The following ITPR2 variants were observed in gnomAD, a reference collection of about 807,000 sequenced individuals.
The protein encoded by ITPR2 is inositol 1,4,5-trisphosphate-gated calcium channel ITPR2.
A neutral mutation model predicts 317.1 loss-of-function variants in ITPR2; 207 were observed. The ratio of observed to expected loss-of-function variants is 0.65; its 90% CI spans 0.58 to 0.73. The LOEUF (loss-of-function observed/expected upper bound fraction) is 0.73. Ranked by LOEUF, ITPR2 falls within the 30% of genes least tolerant of loss-of-function variation. The pLI, the probability that ITPR2 is intolerant of heterozygous loss-of-function variation, is 0.00. For missense variants in ITPR2, 2,613 were observed against 3,284.0 expected (o/e 0.80, Z 4.99); for synonymous variants, 1,156 against 1,149.1 (o/e 1.01, Z -0.12).
At chr12:26,568,016 ATAT>A (rs1482252182) in intron 34 of ITPR2, among the ~76,000 whole-genome samples, 2 of 96,480 alleles carry the variant, frequency 2.1e-5, no homozygotes, top group Non-Finnish European at 4.3e-5. Flanking sequence ...TTATATATAT[ATAT>A]ATATATATAT....
intron 15 of ITPR2, among the ~76,000 whole-genome samples, chr12:26,661,545 A>G (rs1197695844): frequency 6.6e-6 from 1 of 152,160 alleles, no homozygotes; most frequent in Non-Finnish European, 1.5e-5. Flanking sequence ...AGGGGCCCCA[A>G]GTACTCTTCC....
intron 35 of ITPR2, among the ~76,000 whole-genome samples, chr12:26,557,981 G>C (rs1422911622): frequency 6.6e-6 from 1 of 151,956 alleles, no homozygotes; most frequent in Non-Finnish European, 1.5e-5. Flanking sequence ...AGCACAGATG[G>C]GGATGTCACC....
rs1348660858 is a variant in ITPR2 at position 26,387,418 on chromosome 12, C to A, written c.7857+16G>T. On this transcript the variant is annotated intron_variant, in intron 55 of 56. Coordinates refer to ENST00000381340, the MANE Select transcript of ITPR2 (RefSeq NM_002223.4). Reference sequence around the variant, plus strand: ...GATACAATATAGTCACAAATTAAAACCTTCTGGTCACTCACCACAATCATT... The same window carrying A: ...GATACAATATAGTCACAAATTAAAAACTTCTGGTCACTCACCACAATCATT... 18 of 1,611,000 alleles carry A rather than the reference C, an allele frequency of 1.1e-5. No homozygotes were observed. Among genetic ancestry groups the A allele is most frequent in the South Asian group, 3.3e-5 (3 of 90,724 alleles).
At chr12:26,399,155 G>A in intron 53 of ITPR2, 114 bp from the exon 54 acceptor site, 2 of 790,624 alleles carry the variant, frequency 2.5e-6, no homozygotes, top group Non-Finnish European at 3.6e-6. Context: ...AGTATCCCAA[G>A]TTGGAAAAAT....
At chr12:26,447,248 T>G (rs1941629632) in intron 45 of ITPR2, among the ~76,000 whole-genome samples, 1 of 152,102 alleles carries the variant, frequency 6.6e-6, no homozygotes, top group African/African-American at 2.4e-5. Flanking sequence ...GAATTATCTC[T>G]CTGTTTCATC....
intron 2 of ITPR2, among the ~76,000 whole-genome samples, chr12:26,744,939 T>C (rs995088327): frequency 8.5e-5 from 13 of 152,256 alleles, no homozygotes; most frequent in African/African-American, 3.1e-4. Context: ...GCAGGCAAAC[T>C]GTTATGCACG....
chr12:26,672,079 A>C (rs1161141811), intron 13 of ITPR2, among the ~76,000 whole-genome samples: 1 of 152,164 alleles, frequency 6.6e-6, no homozygotes, highest in East Asian at 1.9e-4. Context: ...AAAGAGACTT[A>C]GACTCCCACA....
chr12:26,600,798 C>T (rs1176853035), intron 28 of ITPR2, among the ~76,000 whole-genome samples: 3 of 152,064 alleles, frequency 2.0e-5, no homozygotes, highest in African/African-American at 7.2e-5. Flanking sequence ...TTCCTCTCTT[C>T]CTCCACTCTG....
At position 26,602,552 on chromosome 12, in the gene ITPR2, A is replaced by G; in HGVS notation, c.3553-57T>C. 4 of 1,571,400 alleles carry G rather than the reference A, an allele frequency of 2.5e-6. No individual in the cohort carries two copies. The South Asian group carries it at 4.6e-5, about 18-fold the overall frequency. ...AATAAATAACAATATTAAGTATAAT[A>G]TATAAGCAAAACTTATTTGGCATGC... On this transcript the variant is annotated intron_variant, in intron 27 of 56. Coordinates refer to ENST00000381340, the MANE Select transcript of ITPR2 (RefSeq NM_002223.4).
At chr12:26,704,792 A>G (rs10771295) in intron 9 of ITPR2, among the ~76,000 whole-genome samples, 30,749 of 152,012 alleles carry the variant, frequency 0.2, 3,916 homozygotes, top group East Asian at 0.56. Flanking sequence ...TCAGGTCCAG[A>G]GGGGTTAAAT....
intron 1 of ITPR2, among the ~76,000 whole-genome samples, chr12:26,816,887 A>G (rs898274160): frequency 6.6e-6 from 1 of 152,126 alleles, no homozygotes; most frequent in African/African-American, 2.4e-5. Context: ...CTCGGTGGCG[A>G]AAGGGAACTC....
intron 9 of ITPR2, among the ~76,000 whole-genome samples, chr12:26,700,873 G>A (rs1017086419): frequency 6.6e-6 from 1 of 152,226 alleles, no homozygotes; most frequent in Non-Finnish European, 1.5e-5. Flanking sequence ...ATCTGAATGT[G>A]TAAACTGAGA....
At chr12:26,396,080 G>C (rs1311357395) in intron 54 of ITPR2, among the ~76,000 whole-genome samples, 5 of 152,088 alleles carry the variant, frequency 3.3e-5, no homozygotes, top group African/African-American at 4.8e-5. Context: ...CCCAAGGGAA[G>C]AAAGAATCAT....
At chr12:26,399,641 C>G (rs1339633930) in intron 53 of ITPR2, among the ~76,000 whole-genome samples, 3 of 152,184 alleles carry the variant, frequency 2.0e-5, no homozygotes, top group African/African-American at 4.8e-5. Flanking sequence ...AAGCTCCCAG[C>G]CTGGCACTTG....
Position 26,657,689 on chromosome 12 carries a change from T to C in ITPR2, c.2192+18A>G. On this transcript the variant is annotated intron_variant, in intron 18 of 56. Transcript: ENST00000381340. ...TGTGAGACTGGGAATTATTGTAAGA[T>C]TGTCTATAATACTTAACCTGTAATA... The C allele has an allele frequency of 6.2e-7, 1 of 1,600,586 alleles. No individual in the cohort carries two copies. Among genetic ancestry groups the C allele is most frequent in the Non-Finnish European group, 8.6e-7 (1 of 1,169,488 alleles).
intron 37 of ITPR2, among the ~76,000 whole-genome samples, chr12:26,523,260 G>A (rs1242782877): frequency 6.6e-6 from 1 of 152,232 alleles, no homozygotes; most frequent in East Asian, 1.9e-4. Flanking sequence ...ACCAAATATA[G>A]GGTTAATTTC....
At chr12:26,460,229 C>T (rs893225440) in intron 45 of ITPR2, among the ~76,000 whole-genome samples, 3 of 152,168 alleles carry the variant, frequency 2.0e-5, no homozygotes, top group South Asian at 4.1e-4. Context: ...CTTATGGCAC[C>T]CTAGCTATTC....
chr12:26,739,914 C>T (rs1363462824), intron 2 of ITPR2, among the ~76,000 whole-genome samples: 1 of 152,124 alleles, frequency 6.6e-6, no homozygotes, highest in African/African-American at 2.4e-5. Context: ...ACTTTAAAGA[C>T]ATAATAAGGA....
chr12:26,648,593 T>TCGGG, intron 21 of ITPR2, among the ~76,000 whole-genome samples: 1 of 142,776 alleles, frequency 7.0e-6, no homozygotes. Context: ...ATACTTACAG[T>TCGGG]ATGAGAGGAG....
Sources: allele counts gnomAD v4.1 joint callset (sites outside exome capture counted in the v4.1 genomes callset), GRCh38; gene constraint gnomAD v4.1.1; transcripts MANE v1.5; gene names NCBI Gene and HGNC (gene_info 2026-07-23, HGNC 2026-07-21).